The following SLC2A7 variants were observed in gnomAD, a reference collection of about 807,000 sequenced individuals.
The protein encoded by SLC2A7 is solute carrier family 2 member 7.
Under a neutral mutation model 50.5 loss-of-function variants are expected in SLC2A7, and 50 were observed. The observed-to-expected ratio is 0.99, with a 90% CI of 0.79 to 1.25. The LOEUF (loss-of-function observed/expected upper bound fraction) is 1.25, where lower values mean the gene tolerates loss of function less well. Among genes scored for constraint, SLC2A7 ranks in the 50% most tolerant of loss-of-function variants. The pLI is 0.00. For synonymous variants in SLC2A7, 308 were observed against 300.4 expected (o/e 1.03, Z -0.26); for missense variants, 683 against 679.1 (o/e 1.01, Z -0.06).
chr1:9,023,876 G>A (rs1316548897), intron 2 of SLC2A7, among the ~76,000 whole-genome samples: 1 of 37,754 alleles, frequency 2.6e-5, no homozygotes, highest in Admixed American at 4.2e-4. Flanking sequence ...TTTTTTTTGA[G>A]ATGAAGTCTC....
chr1:9,017,635 C>A (rs977701898), intron 5 of SLC2A7, among the ~76,000 whole-genome samples: 1 of 152,212 alleles, frequency 6.6e-6, no homozygotes, highest in Non-Finnish European at 1.5e-5. Context: ...ACTCTGAAGG[C>A]TCTGCGAATC....
intron 5 of SLC2A7, among the ~76,000 whole-genome samples, chr1:9,015,472 G>A (rs940855175): frequency 6.6e-6 from 1 of 152,202 alleles, no homozygotes; most frequent in Non-Finnish European, 1.5e-5. Context: ...TTTCTCTAAA[G>A]AATAGGCAAT....
At position 9,013,570 on chromosome 1, in the gene SLC2A7, T is replaced by C; in HGVS notation, c.969A>G (p.Val323=). The C allele has an allele frequency of 1.2e-6, 2 of 1,614,082 alleles. No homozygotes were observed. The highest frequency in any genetic ancestry group is 1.3e-5 in the African/African-American group (1 of 75,050). ...AGVEAAHSQY[V]TVGSGVVNIV... Reference sequence around the variant, plus strand: ...TGTTGACGACGCCAGAGCCCACCGTTACATATTGGGAGTGAGCGGCCTCCA... The same window carrying C: ...TGTTGACGACGCCAGAGCCCACCGTCACATATTGGGAGTGAGCGGCCTCCA... Residue 323 remains valine (V), a synonymous_variant, in exon 8 of 12, where the codon GTA becomes GTG. Coordinates refer to ENST00000400906, the MANE Select transcript of SLC2A7 (RefSeq NM_207420.3).
At chr1:9,004,667 T>A (rs1169611423) in intron 11 of SLC2A7, 85 bp downstream of exon 11, 4 of 1,526,398 alleles carry the variant, frequency 2.6e-6, no homozygotes, top group South Asian at 1.2e-5. Context: ...CCTTGCTGGA[T>A]TCACAGATGT....
At chr1:9,016,084 G>A (rs1481272602) in intron 5 of SLC2A7, among the ~76,000 whole-genome samples, 1 of 152,154 alleles carries the variant, frequency 6.6e-6, no homozygotes, top group Non-Finnish European at 1.5e-5. Flanking sequence ...ATGAGGCACA[G>A]GTGCTAAGCG....
At chr1:9,025,694 G>C (rs1204066902) in intron 1 of SLC2A7, among the ~76,000 whole-genome samples, 2 of 152,200 alleles carry the variant, frequency 1.3e-5, no homozygotes, top group African/African-American at 4.8e-5. Flanking sequence ...GAAAATCCCG[G>C]CAGTCGCCTG....
At chr1:9,015,502 C>T (rs536276786) in intron 5 of SLC2A7, among the ~76,000 whole-genome samples, 24 of 152,256 alleles carry the variant, frequency 1.6e-4, no homozygotes, top group African/African-American at 4.6e-4. Context: ...ACTTGAACCC[C>T]GGAGAAAATG....
Position 9,004,863 on chromosome 1 carries a change from C to A in SLC2A7, c.1209G>T (p.Val403=). The A allele has an allele frequency of 6.2e-7, 1 of 1,613,856 alleles. No individual in the cohort carries two copies. The highest frequency in any genetic ancestry group is 8.5e-7 in the Non-Finnish European group (1 of 1,179,856). The stretch of plus-strand genomic sequence containing the variant: ...ACTGCAGGAAGATCTCGGTCCTCAC[C>A]ACCGAGGGGACAGGACCTGGAGGGC... The part of the protein sequence containing the change: ...HSIGPSPVPS[V]VRTEIFLQSS... Residue 403 remains valine (V), a synonymous_variant, in exon 11 of 12, where the codon GTG becomes GTT. Transcript: ENST00000400906.
At chr1:9,022,779 A>G in intron 3 of SLC2A7, 139 bp downstream of exon 3, 2 of 1,136,902 alleles carry the variant, frequency 1.8e-6, no homozygotes, top group Non-Finnish European at 2.5e-6. Flanking sequence ...GGTCATGATG[A>G]CTGTGGCCAA....
intron 8 of SLC2A7, among the ~76,000 whole-genome samples, chr1:9,011,624 C>T (rs1342919504): frequency 6.6e-5 from 10 of 152,112 alleles, no homozygotes; most frequent in African/African-American, 2.4e-4. Flanking sequence ...TCCACTTTTC[C>T]ACCTGATGGA....
chr1:9,002,617 G>C (rs1355148280), downstream of SLC2A7, among the ~76,000 whole-genome samples: 1 of 152,178 alleles, frequency 6.6e-6, no homozygotes, highest in Non-Finnish European at 1.5e-5. Context: ...CAAGACAGTA[G>C]AGATAGTGAT....
At chr1:9,006,752 C>T (rs1640658243) in intron 10 of SLC2A7, among the ~76,000 whole-genome samples, 1 of 152,072 alleles carries the variant, frequency 6.6e-6, no homozygotes, top group Non-Finnish European at 1.5e-5. Flanking sequence ...GTGTCTTTTC[C>T]CAGGCAGGGA....
At chr1:9,011,711 A>ACTT (rs1250314095) in intron 8 of SLC2A7, among the ~76,000 whole-genome samples, 1 of 131,216 alleles carries the variant, frequency 7.6e-6, no homozygotes, top group Non-Finnish European at 1.6e-5. Flanking sequence ...CATTCTTTCG[A>ACTT]CTTCTTCCTT....
intron 8 of SLC2A7, among the ~76,000 whole-genome samples, chr1:9,012,324 A>T (rs1467767074): frequency 1.3e-5 from 2 of 152,180 alleles, no homozygotes; most frequent in Non-Finnish European, 2.9e-5. Flanking sequence ...AGGTAGGATG[A>T]TGGTGAAGCA....
intron 8 of SLC2A7, among the ~76,000 whole-genome samples, chr1:9,010,652 G>A (rs193230243): frequency 1.9e-4 from 29 of 152,146 alleles, no homozygotes; most frequent in African/African-American, 4.1e-4. Flanking sequence ...GCCACCGTGC[G>A]TCACCTTTTA....
At chr1:9,000,857 A>C (rs367804839), downstream of SLC2A7, among the ~76,000 whole-genome samples, 4 of 151,392 alleles carry the variant, frequency 2.6e-5, no homozygotes, top group East Asian at 5.9e-4. Flanking sequence ...GCTGAGTGTC[A>C]GTTTCACTGC....
At chr1:9,013,078 G>A (rs1640772577) in intron 8 of SLC2A7, among the ~76,000 whole-genome samples, 1 of 152,174 alleles carries the variant, frequency 6.6e-6, no homozygotes, top group African/African-American at 2.4e-5. Context: ...TTTTAATAGA[G>A]ATGGGGTTTC....
chr1:9,015,376 C>T, intron 5 of SLC2A7, 134 bp from the exon 6 acceptor site: 1 of 1,168,006 alleles, frequency 8.6e-7, no homozygotes, highest in Non-Finnish European at 1.2e-6. Context: ...GGTACTCCTA[C>T]AAATGGTTTC....
downstream of SLC2A7, among the ~76,000 whole-genome samples, chr1:9,001,635 C>A (rs1004488661): frequency 1.3e-5 from 2 of 152,036 alleles, no homozygotes; most frequent in Non-Finnish European, 2.9e-5. Flanking sequence ...CCAGGCTGGT[C>A]TCGAACTCCT....
Sources: allele counts gnomAD v4.1 joint callset (sites outside exome capture counted in the v4.1 genomes callset), GRCh38; gene constraint gnomAD v4.1.1; transcripts MANE v1.5; gene names NCBI Gene and HGNC (gene_info 2026-07-23, HGNC 2026-07-21).